The following ZNF345 variants were observed in gnomAD, a reference collection of about 807,000 sequenced individuals.
ZNF345 encodes the protein zinc finger protein 345, also known as zinc finger protein HZF10.
For missense variants in ZNF345, 527 were observed against 589.9 expected, an observed-to-expected ratio of 0.89 and a Z score of 1.10; for synonymous variants, 166 against 187.9, an observed-to-expected ratio of 0.88 and a Z score of 0.95.
rs779148532 is a variant in ZNF345 at position 36,877,431 on chromosome 19, C to A, written c.601C>A (p.Pro201Thr). 2 of 1,613,980 alleles carry A rather than the reference C, an allele frequency of 1.2e-6. No individual in the cohort carries two copies. The highest frequency in any genetic ancestry group is 1.7e-6 in the Non-Finnish European group (2 of 1,179,992). ...RHHRIHTGEK[P>T]YECIDCGKAF... is the part of the protein sequence containing the mutation. ...TCACAGAATTCACACAGGTGAGAAA[C>A]CTTATGAATGTATAGATTGTGGTAA... The change falls in exon 3 of 3, where the codon CCT becomes ACT. Residue 201 changes from proline to threonine, a missense_variant. Transcript: ENST00000420450.
rs958557479 is a variant in ZNF345 at position 36,877,982 on chromosome 19, A to G, written c.1152A>G (p.Lys384=). The G allele has an allele frequency of 1.2e-6, 2 of 1,613,546 alleles. No homozygotes were observed. The highest frequency in any genetic ancestry group is 2.7e-5 in the African/African-American group (2 of 74,782). The change falls in exon 3 of 3, where the codon AAA becomes AAG. Residue 384 remains lysine, a synonymous_variant. Transcript: ENST00000420450. Reference sequence around the variant, plus strand: ...GGAAGGCCTTTGGTAGTGGCTCAAAACTTATCCAACACCAGCTAATCCATA... The same window carrying G: ...GGAAGGCCTTTGGTAGTGGCTCAAAGCTTATCCAACACCAGCTAATCCATA... The part of the protein sequence containing the change: ...ECGKAFGSGS[K]LIQHQLIHTG...
intron 3 of ZNF345, among the ~76,000 whole-genome samples, chr19:36,885,419 A>G (rs2072991125): frequency 6.6e-6 from 1 of 151,584 alleles, no homozygotes; most frequent in Non-Finnish European, 1.5e-5. Flanking sequence ...TGTTTGCTAG[A>G]TATGTATGTT....
In ZNF345 at chr19:36,878,933, G is replaced by T. The variant is rs2072944556; in HGVS notation, c.*636G>T. 6.1e-6 allele frequency: 1 copy of T among 163,348 alleles called. No homozygotes were observed. The highest frequency in any genetic ancestry group is 2.4e-5 in the African/African-American group (1 of 41,394). The allele number at this position is 163,348 out of a possible 1,614,324, so 10.1% of individuals were successfully genotyped here. A position where few individuals can be genotyped will look rare whatever the true frequency, so the allele number is the denominator to read the frequency against. ...GTTCACTGCAACCTCCACCTCCCGA[G>T]TTCAAGTGATTTTCCTGCCTCAGCT... On this transcript the variant is annotated 3_prime_UTR_variant, in exon 3 of 3. Coordinates refer to ENST00000420450, the MANE Select transcript of ZNF345 (RefSeq NM_001242472.2).
intron 2 of ZNF345, among the ~76,000 whole-genome samples, chr19:36,853,423 T>C (rs982518637): frequency 2.0e-5 from 3 of 151,924 alleles, no homozygotes; most frequent in Admixed American, 2.0e-4. Flanking sequence ...TAATTTTGTA[T>C]TTTTAGTAGA....
chr19:36,857,901 A>G (rs575329118), intron 2 of ZNF345, among the ~76,000 whole-genome samples: 1 of 152,112 alleles, frequency 6.6e-6, no homozygotes, highest in African/African-American at 2.4e-5. Flanking sequence ...TCAGCCTCCC[A>G]AGTAGCTGGG....
chr19:36,851,085 T>G (rs2072250877), intron 1 of ZNF345, 117 bp downstream of exon 1: 1 of 152,870 alleles, frequency 6.5e-6, no homozygotes, highest in East Asian at 1.9e-4. Context: ...TGGGGGCGTG[T>G]GTCTGTGCGA....
intron 3 of ZNF345, chr19:36,890,993 C>T (rs1303761222): frequency 6.5e-6 from 1 of 153,254 alleles, no homozygotes; most frequent in East Asian, 1.9e-4. Flanking sequence ...AAGTCCTAAC[C>T]CCTGGTACCG....
intron 3 of ZNF345, among the ~76,000 whole-genome samples, chr19:36,885,143 T>A (rs547771807): frequency 6.6e-6 from 1 of 152,060 alleles, no homozygotes; most frequent in Non-Finnish European, 1.5e-5. Flanking sequence ...TATTGTATAG[T>A]CATTCTAATG....
Position 36,877,485 on chromosome 19 carries a change from C to A in ZNF345, c.655C>A (p.Gln219Lys). Reference protein sequence around the residue: ...KAFGSGSNLTQHRRIHTGEKP... With the variant: ...KAFGSGSNLTKHRRIHTGEKP... The stretch of plus-strand genomic sequence containing the variant: ...CTTTGGCAGTGGTTCAAACCTTACT[C>A]AACATCGGCGGATTCATACTGGTGA... Residue 219 changes from glutamine (Q) to lysine (K), a missense_variant, in exon 3 of 3, where the codon CAA becomes AAA. Transcript: ENST00000420450. 1 of 1,614,122 alleles carries A rather than the reference C, an allele frequency of 6.2e-7. No homozygotes were observed. The highest frequency in any genetic ancestry group is 8.5e-7 in the Non-Finnish European group (1 of 1,180,012).
At chr19:36,862,379 C>T (rs985331542) in intron 2 of ZNF345, among the ~76,000 whole-genome samples, 2 of 151,628 alleles carry the variant, frequency 1.3e-5, no homozygotes, top group Admixed American at 6.6e-5. Flanking sequence ...AAAGTTAAAA[C>T]TAGCTGGGTG....
intron 3 of ZNF345, chr19:36,891,868 T>C: frequency 6.2e-7 from 1 of 1,613,902 alleles, no homozygotes; most frequent in East Asian, 2.2e-5. Flanking sequence ...AAGCCTTGAG[T>C]GTTGAGTAAA....
intron 2 of ZNF345, among the ~76,000 whole-genome samples, chr19:36,871,625 GTGTT>G (rs1025053260): frequency 3.9e-4 from 59 of 151,988 alleles, no homozygotes; most frequent in Admixed American, 1.2e-3. Context: ...AGCTGCTATT[GTGTT>G]TGTTTGTTTG....
intron 2 of ZNF345, among the ~76,000 whole-genome samples, chr19:36,857,785 T>A (rs753966973): frequency 6.6e-6 from 1 of 152,142 alleles, no homozygotes; most frequent in Non-Finnish European, 1.5e-5. Context: ...TCTTTTTTTG[T>A]TTGTTTGCTT....
downstream of ZNF345, among the ~76,000 whole-genome samples, chr19:36,882,912 T>G (rs2072977216): frequency 6.6e-6 from 1 of 152,208 alleles, no homozygotes; most frequent in Admixed American, 6.5e-5. Context: ...ATTATTTTGT[T>G]TAATTCTGAA....
At position 36,853,245 on chromosome 19, in the gene ZNF345, C is replaced by CTT. The variant is rs902150512; in HGVS notation, c.-47+1360_-47+1361dup. 2.5e-3 allele frequency among the ~76,000 whole-genome samples: 265 copies of CTT among 106,512 alleles called. 3 individuals are homozygous for CTT. Among genetic ancestry groups the CTT allele is most frequent in the African/African-American group, 7.8e-3 (213 of 27,204 alleles). 69.9% of individuals were successfully genotyped at this position (106,512 alleles called of 152,430 possible). On this transcript the variant is annotated intron_variant, in intron 2 of 2. Transcript: ENST00000420450. ...AGCCAAAAGCTTGCTTTCTTTCTTTCTTTTTTTTTTTTTTTTTTTTGACTC... is the reference window on the plus strand; with the variant it reads ...AGCCAAAAGCTTGCTTTCTTTCTTTCTTTTTTTTTTTTTTTTTTTTTTGACTC...
chr19:36,864,875 C>T lies in ZNF345; in HGVS notation c.-46-11910C>T, dbSNP rs376308589. Among the ~76,000 whole-genome samples, 13 of 152,302 alleles carry T rather than the reference C, an allele frequency of 8.5e-5. No individual in the cohort carries two copies. The South Asian group carries it at 2.7e-3, about 32-fold the overall frequency. On this transcript the variant is annotated intron_variant, in intron 2 of 2. Transcript: ENST00000420450. The stretch of plus-strand genomic sequence containing the variant: ...TTTGTGCCATAAGTGCCTCACTTGC[C>T]TTAGCCATGTCCTGTTCCTGCTGTG...
chr19:36,850,628 A>G (rs2072239328), upstream of ZNF345: 1 of 152,246 alleles, frequency 6.6e-6, no homozygotes, highest in African/African-American at 2.4e-5. Flanking sequence ...GGCTCAGAGG[A>G]GCCTGACTAA....
intron 2 of ZNF345, among the ~76,000 whole-genome samples, chr19:36,869,191 C>A (rs1212889722): frequency 6.6e-6 from 1 of 152,090 alleles, no homozygotes; most frequent in East Asian, 1.9e-4. Flanking sequence ...CTCCCTCCCC[C>A]TCCCCCCTTC....
chr19:36,850,619 G>C (rs978599267), upstream of ZNF345: 1 of 152,240 alleles, frequency 6.6e-6, no homozygotes, highest in Non-Finnish European at 1.5e-5. Flanking sequence ...AGCAAAAAGG[G>C]CTCAGAGGAG....
Sources: allele counts gnomAD v4.1 joint callset (sites outside exome capture counted in the v4.1 genomes callset), GRCh38; gene constraint gnomAD v4.1.1; transcripts MANE v1.5; gene names NCBI Gene and HGNC (gene_info 2026-07-23, HGNC 2026-07-21).